Variants in HCN1 observed in about 807,000 individuals in gnomAD.
The protein encoded by HCN1 is potassium/sodium hyperpolarization-activated cyclic nucleotide-gated channel 1.
A neutral mutation model predicts 78.9 loss-of-function variants in HCN1; 13 were observed. The observed-to-expected ratio is 0.16, with a 90% confidence interval of 0.11 to 0.26. HCN1 has a LOEUF of 0.26. HCN1 is among the 10% of genes least tolerant of loss of function. The pLI is 1.00. For synonymous variants in HCN1, 552 were observed against 455.5 expected (o/e 1.21, Z -2.70); for missense variants, 810 against 1,154.3 (o/e 0.70, Z 4.32).
intron 1 of HCN1, among the ~76,000 whole-genome samples, chr5:45,668,925 T>C (rs1260083764): frequency 6.6e-6 from 1 of 151,828 alleles, no homozygotes; most frequent in Non-Finnish European, 1.5e-5. Flanking sequence ...TTCTTTGGTG[T>C]TGGGGGAAAA....
At chr5:45,602,060 T>C (rs1744636084) in intron 2 of HCN1, among the ~76,000 whole-genome samples, 1 of 152,072 alleles carries the variant, frequency 6.6e-6, no homozygotes, top group South Asian at 2.1e-4. Context: ...GCATTCATTC[T>C]CTCTCTTGCC....
chr5:45,640,026 G>A (rs2112024313), intron 2 of HCN1, among the ~76,000 whole-genome samples: 1 of 152,206 alleles, frequency 6.6e-6, no homozygotes, highest in South Asian at 2.1e-4. Flanking sequence ...GTTCAGCCTG[G>A]TAATCCATTC....
At chr5:45,556,540 T>C (rs183691872) in intron 2 of HCN1, among the ~76,000 whole-genome samples, 26 of 152,060 alleles carry the variant, frequency 1.7e-4, no homozygotes, top group African/African-American at 5.5e-4. Flanking sequence ...TTGAATGACA[T>C]TGTACTACTA....
intron 3 of HCN1, among the ~76,000 whole-genome samples, chr5:45,454,820 C>CTAATTGTATATGTATATGTATATG (rs1387579067): frequency 1.3e-5 from 2 of 152,008 alleles, no homozygotes; most frequent in Non-Finnish European, 2.9e-5. Flanking sequence ...TTTCTATATT[C>CTAATTGTATATGTATATGTATATG]TAATTGTATA....
intron 3 of HCN1, among the ~76,000 whole-genome samples, chr5:45,424,680 A>G (rs1396753770): frequency 6.6e-6 from 1 of 152,020 alleles, no homozygotes; most frequent in Admixed American, 6.6e-5. Context: ...TTCCTATTAT[A>G]TATATTTTTG....
chr5:45,314,812 AAAG>A (rs1285368611), intron 5 of HCN1, among the ~76,000 whole-genome samples: 3 of 152,210 alleles, frequency 2.0e-5, no homozygotes, highest in African/African-American at 7.2e-5. Context: ...CAAAAGAGAC[AAAG>A]AAGGCCATTA....
At chr5:45,590,526 C>T (rs1744338369) in intron 2 of HCN1, among the ~76,000 whole-genome samples, 1 of 152,180 alleles carries the variant, frequency 6.6e-6, no homozygotes, top group Non-Finnish European at 1.5e-5. Context: ...CCATGGTTTA[C>T]ATTAGGGGTC....
At chr5:45,530,408 GT>G (rs1486259146) in intron 2 of HCN1, among the ~76,000 whole-genome samples, 1 of 144,894 alleles carries the variant, frequency 6.9e-6, no homozygotes, top group Non-Finnish European at 1.5e-5. Context: ...AAATGATTGT[GT>G]TTTTATATAT....
chr5:45,335,658 G>A (rs1247944821), intron 5 of HCN1, among the ~76,000 whole-genome samples: 2 of 152,040 alleles, frequency 1.3e-5, no homozygotes, highest in Admixed American at 6.6e-5. Context: ...TATAACAGCT[G>A]TAAGAGCTCT....
intron 2 of HCN1, among the ~76,000 whole-genome samples, chr5:45,626,654 C>T (rs1001700955): frequency 7.2e-5 from 11 of 151,928 alleles, no homozygotes; most frequent in Admixed American, 2.6e-4. Context: ...TGTAAAAATT[C>T]CTAAGGAAGG....
At chr5:45,383,505 G>T (rs1457045389) in intron 4 of HCN1, among the ~76,000 whole-genome samples, 1 of 152,068 alleles carries the variant, frequency 6.6e-6, no homozygotes, top group African/African-American at 2.4e-5. Flanking sequence ...AGACCAGCCT[G>T]GCAACATGTT....
chr5:45,595,135 A>T (rs1412196534), intron 2 of HCN1, among the ~76,000 whole-genome samples: 1 of 152,234 alleles, frequency 6.6e-6, no homozygotes, highest in African/African-American at 2.4e-5. Flanking sequence ...ATTGAAATGC[A>T]GATATATACA....
intron 6 of HCN1, among the ~76,000 whole-genome samples, chr5:45,275,974 T>C (rs1334153809): frequency 6.6e-6 from 1 of 152,174 alleles, no homozygotes; most frequent in Non-Finnish European, 1.5e-5. Flanking sequence ...CAGCCAGCTT[T>C]TAAAAATTCA....
At chr5:45,409,913 A>G (rs761883219) in intron 3 of HCN1, among the ~76,000 whole-genome samples, 1 of 151,828 alleles carries the variant, frequency 6.6e-6, no homozygotes, top group Non-Finnish European at 1.5e-5. Context: ...GGAACAATAC[A>G]TCTTAAGGTC....
intron 3 of HCN1, among the ~76,000 whole-genome samples, chr5:45,427,690 A>T (rs551745243): frequency 3.3e-5 from 5 of 152,260 alleles, no homozygotes; most frequent in African/African-American, 1.2e-4. Flanking sequence ...AGATACATAT[A>T]TCAAATGTTT....
intron 1 of HCN1, among the ~76,000 whole-genome samples, chr5:45,658,872 G>T (rs1415452141): frequency 1.3e-5 from 2 of 149,390 alleles, no homozygotes; most frequent in Non-Finnish European, 3.0e-5. Flanking sequence ...CAACGAGGCT[G>T]GGGGAGGGGC....
Position 45,262,720 on chromosome 5 carries a change from A to C in HCN1, c.1874T>G (p.Ile625Ser). The C allele has an allele frequency of 6.2e-7, 1 of 1,614,130 alleles. No individual in the cohort carries two copies. Among genetic ancestry groups the C allele is most frequent in the Non-Finnish European group, 8.5e-7 (1 of 1,180,016 alleles). Residue 625 changes from isoleucine to serine, a missense_variant, in exon 8 of 8, where the codon ATT (isoleucine) becomes AGT (serine). Ile to Ser is a moderately radical substitution (Grantham distance 142). Around this residue, in one of 6 missense-constraint regions of HCN1, gnomAD observed 398 missense variants for 381.3 expected, o/e 1.04. Coordinates refer to ENST00000303230, the MANE Select transcript of HCN1 (RefSeq NM_021072.4). ...NNQENEILKQIVKHDREMVQA... is the reference protein window; with the variant it reads ...NNQENEILKQSVKHDREMVQA... Reference sequence around the variant, plus strand: ...CACCATCTCCCTGTCATGTTTCACAATCTGCTTGAGGATTTCGTTCTCCTG... The same window carrying C: ...CACCATCTCCCTGTCATGTTTCACACTCTGCTTGAGGATTTCGTTCTCCTG...
At chr5:45,412,766 G>T (rs972570699) in intron 3 of HCN1, among the ~76,000 whole-genome samples, 2 of 151,688 alleles carry the variant, frequency 1.3e-5, no homozygotes, top group Non-Finnish European at 1.5e-5. Context: ...GGCTGGAACT[G>T]GGTGAGCACG....
intron 2 of HCN1, among the ~76,000 whole-genome samples, chr5:45,544,347 T>A (rs377581201): frequency 2.6e-5 from 4 of 152,288 alleles, no homozygotes; most frequent in African/African-American, 7.2e-5. Context: ...GTTAGTTTTC[T>A]ATGTAAAGAT....
Sources: gnomAD v4.1 joint callset for allele counts (sites outside exome capture counted in the v4.1 genomes callset) on GRCh38, gnomAD v4.1.1 for gene constraint, gnomAD v4.1.1 regional missense constraint, MANE v1.5 for transcripts, NCBI Gene and HGNC (gene_info 2026-07-23, HGNC 2026-07-21) for gene names.